The following ROCK1 variants were observed in gnomAD, a reference collection of about 807,000 sequenced individuals.
The protein encoded by ROCK1 is Rho associated coiled-coil containing protein kinase 1.
Under a neutral mutation model 196.8 loss-of-function variants are expected in ROCK1, and 36 were observed. The observed-to-expected ratio is 0.18, with a 90% CI of 0.14 to 0.24. The LOEUF (loss-of-function observed/expected upper bound fraction) is 0.24, where lower values mean the gene tolerates loss of function less well. ROCK1 is among the 10% of genes least tolerant of loss of function. The probability of loss-of-function intolerance (pLI) is 1.00; values close to 1 mark genes in which losing one functional copy is unlikely to be tolerated. For synonymous variants in ROCK1, 443 were observed against 515.9 expected (o/e 0.86, Z 1.91); for missense variants, 920 against 1,562.0 (o/e 0.59, Z 6.93).
chr18:21,093,867 G>T (rs1317886007), intron 1 of ROCK1, among the ~76,000 whole-genome samples: 1 of 151,744 alleles, frequency 6.6e-6, no homozygotes, highest in East Asian at 1.9e-4. Flanking sequence ...GAGGCAGGAG[G>T]ATCGCTTGAA....
chr18:21,094,748 C>CA (rs59412229), intron 1 of ROCK1, among the ~76,000 whole-genome samples: 3 of 142,376 alleles, frequency 2.1e-5, no homozygotes, highest in African/African-American at 7.8e-5. Context: ...GATCCTGTCT[C>CA]AAAAAAAAAA....
chr18:21,106,336 T>C (rs1414917485), intron 1 of ROCK1, among the ~76,000 whole-genome samples: 3 of 152,242 alleles, frequency 2.0e-5, no homozygotes, highest in Non-Finnish European at 4.4e-5. Flanking sequence ...AAGTTCTCAC[T>C]GTGTCGTCCA....
chr18:20,969,085 A>C (rs2035401471), intron 24 of ROCK1, 30 bp downstream of exon 24: 1 of 1,371,424 alleles, frequency 7.3e-7, no homozygotes, highest in African/African-American at 1.4e-5. Context: ...ATTTGATTTA[A>C]CATGATGATT....
At chr18:21,085,116 T>C (rs1259345070) in intron 1 of ROCK1, among the ~76,000 whole-genome samples, 2 of 152,174 alleles carry the variant, frequency 1.3e-5, no homozygotes, top group African/African-American at 4.8e-5. Context: ...AAAGAGTTAC[T>C]GTTTAATGGA....
chr18:20,951,396 G>A lies in ROCK1; in HGVS notation c.4062-9C>T. The A allele has an allele frequency of 1.3e-6, 2 of 1,591,324 alleles. No individual in the cohort carries two copies. ...CTCAGTCACATGGTTAACTGTTGAG[G>A]GAGGGGGAAAAAACTAATTTAAGAA... On this transcript the variant is annotated splice_polypyrimidine_tract_variant and intron_variant, in intron 32 of 32. Transcript: ENST00000399799.
At chr18:21,026,330 G>A (rs1431268924) in intron 10 of ROCK1, among the ~76,000 whole-genome samples, 2 of 151,340 alleles carry the variant, frequency 1.3e-5, no homozygotes, top group East Asian at 1.9e-4. Context: ...TGTAATCCCA[G>A]CTACTCGGGA....
chr18:21,051,749 T>G (rs2036205627), intron 2 of ROCK1, among the ~76,000 whole-genome samples: 1 of 152,178 alleles, frequency 6.6e-6, no homozygotes, highest in South Asian at 2.1e-4. Context: ...GTTAAAGGTG[T>G]CAGAGAAGAG....
intron 4 of ROCK1, among the ~76,000 whole-genome samples, chr18:21,046,534 G>A (rs2036160862): frequency 6.6e-6 from 1 of 152,200 alleles, no homozygotes; most frequent in Non-Finnish European, 1.5e-5. Context: ...AGGAGGAGGA[G>A]CAGTAATAGC....
At chr18:21,018,423 G>A (rs1312331582) in intron 12 of ROCK1, among the ~76,000 whole-genome samples, 30 of 151,926 alleles carry the variant, frequency 2.0e-4, no homozygotes, top group Admixed American at 3.9e-4. Context: ...CCAGCTACTC[G>A]GGGGACTGAG....
chr18:21,050,344 TA>T (rs202007611), intron 2 of ROCK1, among the ~76,000 whole-genome samples: 24,599 of 136,430 alleles, frequency 0.18, 4,100 homozygotes, highest in African/African-American at 0.45. Context: ...GCAAACACAC[TA>T]AAAAAAAAAA....
At chr18:21,070,975 A>G (rs1176688547) in intron 1 of ROCK1, among the ~76,000 whole-genome samples, 1 of 152,156 alleles carries the variant, frequency 6.6e-6, no homozygotes, top group East Asian at 1.9e-4. Context: ...ATTTGTTACT[A>G]TAAATATTTT....
intron 9 of ROCK1, among the ~76,000 whole-genome samples, chr18:21,033,240 T>C (rs919714030): frequency 4.6e-5 from 7 of 151,996 alleles, no homozygotes; most frequent in African/African-American, 1.7e-4. Context: ...ACCCATATGA[T>C]CATTTCAGTT....
intron 1 of ROCK1, among the ~76,000 whole-genome samples, chr18:21,092,603 A>C (rs1159592401): frequency 2.0e-5 from 3 of 151,636 alleles, no homozygotes; most frequent in Non-Finnish European, 4.4e-5. Context: ...AAAAAAAAAA[A>C]ACCAACACAA....
intron 1 of ROCK1, among the ~76,000 whole-genome samples, chr18:21,074,776 T>C (rs538735775): frequency 1.3e-5 from 2 of 152,154 alleles, no homozygotes; most frequent in African/African-American, 2.4e-5. Flanking sequence ...CAGAAGTTAG[T>C]TAGTAGGTAG....
intron 1 of ROCK1, among the ~76,000 whole-genome samples, chr18:21,102,634 T>C (rs1887238773): frequency 6.6e-6 from 1 of 152,174 alleles, no homozygotes; most frequent in South Asian, 2.1e-4. Context: ...CCTTACACTT[T>C]GGGAAGCTGA....
At chr18:20,968,389 C>T (rs1255312330) in intron 25 of ROCK1, 6 of 180,702 alleles carry the variant, frequency 3.3e-5, no homozygotes, top group Non-Finnish European at 5.7e-5. Flanking sequence ...TCACTGCAAC[C>T]TCTGCCTCCT....
intron 2 of ROCK1, among the ~76,000 whole-genome samples, chr18:21,069,965 A>G (rs1397968645): frequency 1.3e-5 from 2 of 152,066 alleles, no homozygotes; most frequent in African/African-American, 4.8e-5. Context: ...GACTATTTAG[A>G]AAAACAAAAC....
intron 29 of ROCK1, among the ~76,000 whole-genome samples, chr18:20,958,768 G>A (rs1223904245): frequency 5.1e-3 from 541 of 106,972 alleles, no homozygotes; most frequent in East Asian, 0.018. Context: ...AATCATCTCT[G>A]TATTACTCAT....
At chr18:21,011,397 G>C (rs1005339649) in intron 13 of ROCK1, among the ~76,000 whole-genome samples, 10 of 152,114 alleles carry the variant, frequency 6.6e-5, no homozygotes, top group African/African-American at 2.4e-4. Context: ...CACTCCACTG[G>C]TATTGGCATC....
Sources: allele counts gnomAD v4.1 joint callset (sites outside exome capture counted in the v4.1 genomes callset), GRCh38; gene constraint gnomAD v4.1.1; transcripts MANE v1.5; gene names NCBI Gene and HGNC (gene_info 2026-07-23, HGNC 2026-07-21).